The following SLC39A11 variants were observed in gnomAD, a reference collection of about 807,000 sequenced individuals.
SLC39A11 encodes zinc transporter ZIP11.
Under a neutral mutation model 36.1 loss-of-function variants are expected in SLC39A11, and 33 were observed. The ratio of observed to expected loss-of-function variants is 0.91; its 90% confidence interval spans 0.69 to 1.22. The LOEUF is 1.22. SLC39A11 is among the 50% of genes most tolerant of loss of function. The pLI, the probability that SLC39A11 is intolerant of heterozygous loss-of-function variation, is 0.00. For synonymous variants in SLC39A11, 166 were observed against 170.3 expected, an observed-to-expected ratio of 0.97 and a Z score of 0.20; for missense variants, 432 against 430.3, an observed-to-expected ratio of 1.00 and a Z score of -0.03.
chr17:73,081,989 A>G (rs1158012221), intron 3 of SLC39A11, among the ~76,000 whole-genome samples: 2 of 151,460 alleles, frequency 1.3e-5, no homozygotes, highest in Non-Finnish European at 2.9e-5. Context: ...GTGAGCGATA[A>G]AAGACTACAT....
At chr17:72,851,379 T>C (rs4793316) in intron 5 of SLC39A11, among the ~76,000 whole-genome samples, 79,342 of 151,872 alleles carry the variant, frequency 0.52, 21,211 homozygotes, top group Middle Eastern at 0.58. Flanking sequence ...ATGGGATGGA[T>C]TTGTGGGGAA....
At chr17:72,793,639 A>C (rs1382514925) in intron 6 of SLC39A11, among the ~76,000 whole-genome samples, 1 of 152,156 alleles carries the variant, frequency 6.6e-6, no homozygotes, top group East Asian at 1.9e-4. Flanking sequence ...TATGTTACCC[A>C]GGCTGGTCTC....
chr17:72,840,130 C>CA (rs61391472), intron 6 of SLC39A11, among the ~76,000 whole-genome samples: 128,558 of 152,082 alleles, frequency 0.85, 55,047 homozygotes, highest in East Asian at 0.96. Context: ...TTCCCTGAAA[C>CA]AAAAAATCAC....
chr17:72,895,681 C>T (rs2081993417), intron 5 of SLC39A11, among the ~76,000 whole-genome samples: 1 of 151,988 alleles, frequency 6.6e-6, no homozygotes, highest in African/African-American at 2.4e-5. Context: ...GGGAAGCAAA[C>T]ATCTGAGCTG....
At chr17:72,874,999 G>A (rs1409950647) in intron 5 of SLC39A11, among the ~76,000 whole-genome samples, 1 of 152,150 alleles carries the variant, frequency 6.6e-6, no homozygotes, top group Non-Finnish European at 1.5e-5. Flanking sequence ...AGGAGGGAGA[G>A]ACCAGAACCA....
chr17:72,747,841 G>A (rs117010708), intron 6 of SLC39A11, among the ~76,000 whole-genome samples: 1,844 of 152,294 alleles, frequency 0.012, 21 homozygotes, highest in South Asian at 0.026. Context: ...TATTGCCAAG[G>A]AATCCCTGTG....
intron 4 of SLC39A11, among the ~76,000 whole-genome samples, 185 bp from the exon 5 acceptor site, chr17:72,948,060 G>C (rs575678702): frequency 6.6e-6 from 1 of 152,192 alleles, no homozygotes; most frequent in African/African-American, 2.4e-5. Context: ...AACTTTCCAG[G>C]TATAGGACTT....
chr17:72,659,676 G>A (rs1278572212), intron 7 of SLC39A11, among the ~76,000 whole-genome samples: 1 of 139,218 alleles, frequency 7.2e-6, no homozygotes, highest in African/African-American at 2.6e-5. Flanking sequence ...TCTGCCTCCC[G>A]GGTTCAAGCA....
chr17:73,060,934 A>G (rs952672163), intron 3 of SLC39A11, among the ~76,000 whole-genome samples: 4 of 152,196 alleles, frequency 2.6e-5, no homozygotes, highest in African/African-American at 7.2e-5. Flanking sequence ...TCACTCACAG[A>G]CGGTTGTTTG....
intron 5 of SLC39A11, among the ~76,000 whole-genome samples, chr17:72,900,226 A>AAAGAAAGAAAGAAAGG (rs1567913378): frequency 1.3e-5 from 2 of 151,246 alleles, no homozygotes; most frequent in South Asian, 4.2e-4. Flanking sequence ...AGAAAGAAAG[A>AAAGAAAGAAAGAAAGG]AAGAAAAAGA....
chr17:72,840,927 CG>C (rs2078777956), intron 6 of SLC39A11, among the ~76,000 whole-genome samples: 1 of 148,238 alleles, frequency 6.7e-6, no homozygotes. Context: ...TGGTGGGGGG[CG>C]CCTGTAGTCC....
chr17:73,037,749 A>G (rs2058970268), intron 3 of SLC39A11, among the ~76,000 whole-genome samples: 1 of 152,202 alleles, frequency 6.6e-6, no homozygotes, highest in South Asian at 2.1e-4. Flanking sequence ...CTGTACCCCC[A>G]AAGTCTTTTT....
intron 4 of SLC39A11, among the ~76,000 whole-genome samples, chr17:73,028,483 A>G (rs1254343766): frequency 6.6e-6 from 1 of 152,166 alleles, no homozygotes; most frequent in Non-Finnish European, 1.5e-5. Flanking sequence ...TTTCAACAAC[A>G]TTTGTATTCA....
At chr17:73,029,563 G>A (rs184436381) in intron 4 of SLC39A11, among the ~76,000 whole-genome samples, 7 of 152,084 alleles carry the variant, frequency 4.6e-5, no homozygotes, top group Admixed American at 2.0e-4. Context: ...TCCAGGGGAC[G>A]GAGACAGACA....
intron 3 of SLC39A11, among the ~76,000 whole-genome samples, chr17:73,051,887 C>T (rs1297457511): frequency 6.7e-6 from 1 of 149,086 alleles, no homozygotes; most frequent in African/African-American, 2.5e-5. Context: ...TTTGTTGGTG[C>T]CAGAGGGAAT....
chr17:72,922,960 CAAAAAAAAA>C (rs10645750), intron 5 of SLC39A11, among the ~76,000 whole-genome samples: 13 of 44,078 alleles, frequency 2.9e-4, no homozygotes, highest in East Asian at 1.5e-3. Context: ...GACTCCTTCT[CAAAAAAAAA>C]AAAAAAAAAA....
At chr17:72,695,662 A>G (rs1283298837) in intron 7 of SLC39A11, among the ~76,000 whole-genome samples, 8 of 152,232 alleles carry the variant, frequency 5.3e-5, no homozygotes, top group Non-Finnish European at 4.4e-5. Context: ...AGGTAGAGAT[A>G]AGATCATTCT....
chr17:72,862,206 C>T (rs1567843601), intron 5 of SLC39A11, among the ~76,000 whole-genome samples: 1 of 152,074 alleles, frequency 6.6e-6, no homozygotes, highest in Admixed American at 6.6e-5. Context: ...ACACAGACTC[C>T]CAGTGCAGGG....
intron 3 of SLC39A11, among the ~76,000 whole-genome samples, chr17:73,060,976 T>C (rs1381109470): frequency 6.6e-6 from 1 of 152,196 alleles, no homozygotes; most frequent in Non-Finnish European, 1.5e-5. Flanking sequence ...TATAAGCCTA[T>C]ATAGTTTTGT....
Sources: allele counts gnomAD v4.1 joint callset (sites outside exome capture counted in the v4.1 genomes callset), GRCh38; gene constraint gnomAD v4.1.1; transcripts MANE v1.5; gene names NCBI Gene and HGNC (gene_info 2026-07-23, HGNC 2026-07-21).